The following CPAP variants were observed in gnomAD, a reference collection of about 807,000 sequenced individuals.
The protein encoded by CPAP is centrosomal P4.1-associated protein.
At chr13:24,904,859 AG>A in the CPAP span, among the ~76,000 whole-genome samples, 8 of 152,344 alleles carry the variant, frequency 5.3e-5, no homozygotes, top group South Asian at 1.7e-3. Flanking sequence ...GAGTTTAAAA[AG>A]TCCGTTACAT....
chr13:24,885,208 T>G, the CPAP span: 2 of 1,054,454 alleles, frequency 1.9e-6, no homozygotes, highest in African/African-American at 3.1e-5. Flanking sequence ...TTAGATTCTA[T>G]GTGTTTCAAC....
the CPAP span, chr13:24,904,027 C>T: frequency 6.2e-7 from 1 of 1,613,984 alleles, no homozygotes; most frequent in Non-Finnish European, 8.5e-7. Flanking sequence ...CAATAATTTT[C>T]TCTCTCAAAA....
the CPAP span, among the ~76,000 whole-genome samples, chr13:24,886,569 G>A: frequency 6.6e-6 from 1 of 152,190 alleles, no homozygotes; most frequent in Non-Finnish European, 1.5e-5. Flanking sequence ...AGTACTGGGA[G>A]TACACAGGGG....
the CPAP span, chr13:24,884,408 C>T: frequency 6.8e-6 from 11 of 1,613,920 alleles, no homozygotes; most frequent in Admixed American, 3.3e-5. Flanking sequence ...CACTTCCTTT[C>T]GAGTTCCATT....
At chr13:24,933,020 T>C in the CPAP span, 3 of 1,524,416 alleles carry the variant, frequency 2.0e-6, no homozygotes, top group Admixed American at 5.1e-5. Flanking sequence ...ATGGGAATCT[T>C]TGCAAATTGT....
the CPAP span, chr13:24,912,004 T>TA: frequency 6.2e-7 from 1 of 1,614,106 alleles, no homozygotes; most frequent in Admixed American, 1.7e-5. Flanking sequence ...CTTCCATGAG[T>TA]CTCTGTAGTT....
the CPAP span, among the ~76,000 whole-genome samples, chr13:24,914,132 G>T: frequency 6.6e-6 from 1 of 152,142 alleles, no homozygotes; most frequent in Non-Finnish European, 1.5e-5. Context: ...GGAAAAGGAG[G>T]TTGTAACTTT....
the CPAP span, chr13:24,904,118 A>G: frequency 6.3e-7 from 1 of 1,586,656 alleles, no homozygotes; most frequent in Admixed American, 1.7e-5. Flanking sequence ...CAAAAACACT[A>G]GCTAGCTAGT....
the CPAP span, among the ~76,000 whole-genome samples, chr13:24,900,975 A>G: frequency 3.9e-5 from 6 of 152,284 alleles, 1 homozygote; most frequent in South Asian, 1.0e-3. Context: ...CACTTTTTCT[A>G]AATGATCAAT....
At chr13:24,911,753 T>C in the CPAP span, among the ~76,000 whole-genome samples, 1 of 151,614 alleles carries the variant, frequency 6.6e-6, no homozygotes, top group Non-Finnish European at 1.5e-5. Context: ...AAGCAGGGCA[T>C]GCGCACACCA....
the CPAP span, among the ~76,000 whole-genome samples, chr13:24,924,488 T>C: frequency 6.6e-6 from 1 of 152,242 alleles, no homozygotes; most frequent in South Asian, 2.1e-4. Flanking sequence ...TTTTCACCTG[T>C]AGCCCATGTA....
chr13:24,892,313 G>A, the CPAP span, among the ~76,000 whole-genome samples: 2 of 152,174 alleles, frequency 1.3e-5, no homozygotes, highest in Admixed American at 6.5e-5. Context: ...AGAGAAATGA[G>A]TCTGCAAAGT....
chr13:24,920,972 A>G, the CPAP span, among the ~76,000 whole-genome samples: 1 of 152,126 alleles, frequency 6.6e-6, no homozygotes, highest in South Asian at 2.1e-4. Context: ...AAATAAACCC[A>G]TAGTTATAAA....
chr13:24,906,052 G>C, the CPAP span: 3 of 1,613,988 alleles, frequency 1.9e-6, no homozygotes, highest in Non-Finnish European at 2.5e-6. Context: ...CATCAGCTGA[G>C]GACAATGAAT....
At chr13:24,892,415 A>C in the CPAP span, among the ~76,000 whole-genome samples, 1 of 152,152 alleles carries the variant, frequency 6.6e-6, no homozygotes, top group African/African-American at 2.4e-5. Context: ...TTAGGTGCAC[A>C]CTTCAGTGGC....
At chr13:24,910,171 G>C in the CPAP span, 1 of 1,208,458 alleles carries the variant, frequency 8.3e-7, no homozygotes, top group Non-Finnish European at 1.2e-6. Flanking sequence ...ACCCCACAAA[G>C]ACTTCTCCAC....
chr13:24,889,926 C>T, the CPAP span, among the ~76,000 whole-genome samples: 1 of 152,116 alleles, frequency 6.6e-6, no homozygotes, highest in East Asian at 1.9e-4. Context: ...GGAGGTGATG[C>T]TTCCAGTGCC....
chr13:24,932,853 T>A, the CPAP span, among the ~76,000 whole-genome samples: 1 of 152,234 alleles, frequency 6.6e-6, no homozygotes, highest in African/African-American at 2.4e-5. Context: ...CAAGCTATGA[T>A]ATTCAATTTT....
chr13:24,923,632 G>A, the CPAP span, among the ~76,000 whole-genome samples: 2 of 152,072 alleles, frequency 1.3e-5, no homozygotes, highest in Non-Finnish European at 2.9e-5. Flanking sequence ...TAAACAGCAG[G>A]CCAAGTAAAA....
Sources: allele counts gnomAD v4.1 joint callset (sites outside exome capture counted in the v4.1 genomes callset), GRCh38; gene constraint gnomAD v4.1.1; transcripts MANE v1.5; gene names NCBI Gene and HGNC (gene_info 2026-07-23, HGNC 2026-07-21).